MYO19: variants seen among roughly 807,000 people sequenced by gnomAD.
MYO19 encodes the protein myosin XIX, also known as unconventional myosin-XIX.
Under a neutral mutation model 129.2 loss-of-function variants are expected in MYO19, and 132 were observed. The ratio of observed to expected loss-of-function variants is 1.02; its 90% CI spans 0.89 to 1.18. The LOEUF (loss-of-function observed/expected upper bound fraction) is 1.18. Ranked by LOEUF, MYO19 falls within the 50% of genes most tolerant of loss-of-function variation. The pLI, the probability that MYO19 is intolerant of heterozygous loss-of-function variation, is 0.00. For synonymous variants in MYO19, 531 were observed against 477.2 expected, an observed-to-expected ratio of 1.11 and a Z score of -1.47; for missense variants, 1,210 against 1,216.7, an observed-to-expected ratio of 0.99 and a Z score of 0.08.
At chr17:36,535,914 G>A (rs887800587), upstream of MYO19, among the ~76,000 whole-genome samples, 3 of 151,540 alleles carry the variant, frequency 2.0e-5, no homozygotes, top group East Asian at 5.8e-4. Flanking sequence ...CTCTCGGCTA[G>A]GACTTTTATT....
In MYO19 at chr17:36,516,394, G is replaced by A. The variant is rs114735966; in HGVS notation, c.415-404C>T. ...CAGTCTAACTTTTTTTTTCCGAGAC[G>A]GAGTCTCATCTTGCCTCCCAGGCTG... On this transcript the variant is annotated intron_variant, in intron 6 of 25. Coordinates refer to ENST00000614623, the MANE Select transcript of MYO19 (RefSeq NM_001163735.2). Among the ~76,000 whole-genome samples, 279 of 151,902 alleles carry A rather than the reference G, an allele frequency of 1.8e-3. 1 individual carries two copies. Among genetic ancestry groups the A allele is most frequent in the African/African-American group, 6.4e-3 (267 of 41,426 alleles).
At chr17:36,513,075 G>A (rs2072476921) in intron 11 of MYO19, 2 of 1,277,988 alleles carry the variant, frequency 1.6e-6, no homozygotes, top group Non-Finnish European at 2.0e-6. Flanking sequence ...AAAACTAAGT[G>A]AGCAGAGAAG....
intron 24 of MYO19, 88 bp from the exon 25 acceptor site, chr17:36,498,647 T>C: frequency 2.1e-6 from 3 of 1,407,210 alleles, no homozygotes; most frequent in South Asian, 1.5e-5. Flanking sequence ...TAACAAATCA[T>C]CTTAACAAGG....
chr17:36,499,657 T>TTTC (rs1567729018), intron 23 of MYO19: 8 of 140,782 alleles, frequency 5.7e-5, no homozygotes, highest in African/African-American at 2.4e-4. Flanking sequence ...TCTTTTTCTT[T>TTTC]TTGTTTCTTT....
intron 4 of MYO19, 146 bp from the exon 5 acceptor site, chr17:36,527,845 G>A (rs929803199): frequency 8.9e-7 from 1 of 1,124,906 alleles, no homozygotes; most frequent in African/African-American, 1.6e-5. Context: ...AAAGATACAA[G>A]ATCTAATTAA....
At chr17:36,540,704 TC>T (rs1040750329) in intron 2 of MYO19, among the ~76,000 whole-genome samples, 24 of 152,138 alleles carry the variant, frequency 1.6e-4, no homozygotes, top group Non-Finnish European at 5.9e-5. Context: ...AAACAGAACT[TC>T]CCAGTGTCAG....
At chr17:36,525,826 TCAA>T (rs904792620) in intron 5 of MYO19, among the ~76,000 whole-genome samples, 1 of 152,202 alleles carries the variant, frequency 6.6e-6, no homozygotes, top group Non-Finnish European at 1.5e-5. Context: ...CCCCTTTTCT[TCAA>T]CAACTATTAA....
At position 36,510,814 on chromosome 17, in the gene MYO19, G is replaced by C; in HGVS notation, c.1089C>G (p.Phe363Leu). Residue 363 changes from phenylalanine (F) to leucine (L), a missense_variant, in exon 13 of 26, where the codon TTC becomes TTG. Phe to Leu is a conservative substitution (Grantham distance 22). Transcript: ENST00000614623. ...ACTCGGCTCGGGCGCAGGGCTTCCG[G>C]AACACCTGCTGCTGTCTGCCTGCCC... Reference protein sequence around the residue: ...TIRAGRQQQVFRKPCARAECD... With the variant: ...TIRAGRQQQVLRKPCARAECD... The C allele has an allele frequency of 6.3e-7, 1 of 1,595,900 alleles. No individual in the cohort carries two copies. The highest frequency in any genetic ancestry group is 2.3e-5 in the East Asian group (1 of 43,902).
intron 8 of MYO19, among the ~76,000 whole-genome samples, chr17:36,514,852 T>G (rs2072629686): frequency 6.6e-6 from 1 of 152,146 alleles, no homozygotes; most frequent in Admixed American, 6.5e-5. Flanking sequence ...GCAATTTAGC[T>G]TGAAGTCCCT....
chr17:36,522,929 C>A (rs1202050785), intron 6 of MYO19, among the ~76,000 whole-genome samples: 3 of 151,394 alleles, frequency 2.0e-5, no homozygotes, highest in Non-Finnish European at 4.4e-5. Context: ...TGGTGTGAAC[C>A]CGGGAGGCAG....
chr17:36,538,093 C>G, upstream of MYO19: 5 of 1,614,170 alleles, frequency 3.1e-6, no homozygotes, highest in Non-Finnish European at 3.4e-6. Flanking sequence ...AAGAACCGAT[C>G]ACATATCAAA....
In MYO19 at chr17:36,517,313, G is replaced by A. The variant is rs141607180; in HGVS notation, c.415-1323C>T. 7.7e-3 allele frequency among the ~76,000 whole-genome samples: 1,171 copies of A among 152,296 alleles called. 21 individuals carry two copies. Among genetic ancestry groups the A allele is most frequent in the East Asian group, 0.026 (137 of 5,170 alleles). ...GTCTTGCTGTCACCCAGGATGGAGT[G>A]CAGTGGCACGATCTCGGCTCACTGC... On this transcript the variant is annotated intron_variant, in intron 6 of 25. Transcript: ENST00000614623.
chr17:36,515,699 G>C (rs2072697462), intron 7 of MYO19, among the ~76,000 whole-genome samples, 159 bp downstream of exon 7: 1 of 152,188 alleles, frequency 6.6e-6, no homozygotes, highest in Non-Finnish European at 1.5e-5. Context: ...TGATGCTAAG[G>C]AGTACCAGGG....
intron 18 of MYO19, among the ~76,000 whole-genome samples, chr17:36,506,097 T>C (rs1000282360): frequency 3.9e-5 from 6 of 151,972 alleles, no homozygotes; most frequent in Non-Finnish European, 4.4e-5. Context: ...AAGCAGACGA[T>C]GTGAGAGAAG....
intron 22 of MYO19, 25 bp downstream of exon 22, chr17:36,501,044 C>A: frequency 6.2e-7 from 1 of 1,603,414 alleles, no homozygotes; most frequent in Non-Finnish European, 8.5e-7. Flanking sequence ...GCCTCTGTAA[C>A]CTCCTCATCC....
At chr17:36,520,566 TC>T (rs2073071659) in intron 6 of MYO19, among the ~76,000 whole-genome samples, 1 of 152,148 alleles carries the variant, frequency 6.6e-6, no homozygotes, top group Non-Finnish European at 1.5e-5. Flanking sequence ...CTATTATACT[TC>T]CACTACCTCT....
chr17:36,514,000 G>A (rs1010727574), intron 9 of MYO19, among the ~76,000 whole-genome samples: 3 of 152,232 alleles, frequency 2.0e-5, no homozygotes, highest in African/African-American at 7.2e-5. Flanking sequence ...TCGTCTTGAC[G>A]TGGGAGGCAT....
chr17:36,508,104 G>C (rs1005428840), intron 14 of MYO19, 180 bp from the exon 15 acceptor site: 2 of 571,848 alleles, frequency 3.5e-6, no homozygotes, highest in African/African-American at 1.9e-5. Context: ...CTCCACCCAA[G>C]GTGGCTCCCA....
chr17:36,504,094 C>T lies in MYO19; in HGVS notation c.1906-74G>A, dbSNP rs1567737800. The T allele has an allele frequency of 5.5e-6, 7 of 1,281,200 alleles. No homozygotes were observed. The East Asian group carries it at 7.9e-5, about 15-fold the overall frequency. 79.4% of individuals were successfully genotyped at this position (1,281,200 alleles called of 1,614,324 possible). On this transcript the variant is annotated intron_variant, in intron 19 of 25. Coordinates refer to ENST00000614623, the MANE Select transcript of MYO19 (RefSeq NM_001163735.2). Reference sequence around the variant, plus strand: ...GGCCAGAAATGCCATTCTCTCAGCCCTTCTTCTTAGACCCTGGCCAGTGCC... The same window carrying T: ...GGCCAGAAATGCCATTCTCTCAGCCTTTCTTCTTAGACCCTGGCCAGTGCC...
Sources: gnomAD v4.1 joint callset for allele counts (sites outside exome capture counted in the v4.1 genomes callset) on GRCh38, gnomAD v4.1.1 for gene constraint, MANE v1.5 for transcripts, NCBI Gene and HGNC (gene_info 2026-07-23, HGNC 2026-07-21) for gene names.